Variants in PI4KA observed in about 807,000 individuals in gnomAD.
The protein encoded by PI4KA is PI4-kinase alpha.
Under a neutral mutation model 271.4 loss-of-function variants are expected in PI4KA, and 122 were observed. The observed-to-expected ratio is 0.45, with a 90% confidence interval of 0.39 to 0.52. PI4KA has a LOEUF of 0.52. Ranked by LOEUF, PI4KA falls within the 20% of genes least tolerant of loss-of-function variation. The pLI is 0.00. For synonymous variants in PI4KA, 1,041 were observed against 1,078.8 expected (o/e 0.96, Z 0.69); for missense variants, 1,969 against 2,769.1 (o/e 0.71, Z 6.48).
At chr22:20,723,196 A>T (rs1400406261) in intron 42 of PI4KA, among the ~76,000 whole-genome samples, 1 of 151,172 alleles carries the variant, frequency 6.6e-6, no homozygotes, top group Non-Finnish European at 1.5e-5. Context: ...CTTTTTTTGT[A>T]TTTTTAGTAG....
rs1337348609 is a variant in PI4KA, at chr22:20,733,803, C to G, written c.4093G>C (p.Val1365Leu). Residue 1365 changes from valine to leucine, a missense_variant, in exon 35 of 55, where the codon GTT becomes CTT. By Grantham distance (32) the Val-to-Leu change is conservative. Around this residue, in one of 13 missense-constraint regions of PI4KA, gnomAD observed 72 missense variants for 103.1 expected, o/e 0.70. Transcript: ENST00000255882. Reference protein sequence around the residue: ...LGLSLLHADVVPNATIRNVLR... With the variant: ...LGLSLLHADVLPNATIRNVLR... The stretch of plus-strand genomic sequence containing the variant: ...ACATTGCGGATGGTTGCATTTGGAA[C>G]CACATCGGCATGCAGGAGGGACAGC... 2 of 1,612,544 alleles carry G rather than the reference C, an allele frequency of 1.2e-6. No individual in the cohort carries two copies. The highest frequency in any genetic ancestry group is 4.5e-5 in the East Asian group (2 of 44,880).
chr22:20,822,940 G>A (rs1346563835), intron 4 of PI4KA, among the ~76,000 whole-genome samples: 5 of 152,128 alleles, frequency 3.3e-5, no homozygotes, highest in Non-Finnish European at 7.4e-5. Flanking sequence ...TTGAGACCGA[G>A]TCTCACTCTG....
intron 1 of PI4KA, among the ~76,000 whole-genome samples, chr22:20,853,787 A>ATC (rs1927274642): frequency 2.0e-5 from 3 of 152,174 alleles, no homozygotes; most frequent in Admixed American, 6.5e-5. Flanking sequence ...GTAGAATGGG[A>ATC]TCTTGGTCAG....
Position 20,709,895 on chromosome 22 carries a change from C to T in PI4KA, c.6173+13G>A, listed in dbSNP as rs774586248. 7 of 1,503,784 alleles carry T rather than the reference C, an allele frequency of 4.7e-6. No individual in the cohort carries two copies. In the Admixed American group the frequency reaches 1.0e-4, roughly 22 times the overall value. 93.2% of individuals were successfully genotyped at this position (1,503,784 alleles called of 1,614,324 possible). On this transcript the variant is annotated intron_variant, in intron 53 of 54. Transcript: ENST00000255882. ...GTCCCCCAGATGGCCTGCGTGTCCA[C>T]CAAGGAACCTACTTCAAGAGCTTGA...
Position 20,834,610 on chromosome 22 carries a change from G to A in PI4KA, c.319C>T (p.Leu107Phe). 6.2e-7 allele frequency: 1 copy of A among 1,611,492 alleles called. No homozygotes were observed. Among genetic ancestry groups the A allele is most frequent in the Non-Finnish European group, 8.5e-7 (1 of 1,177,660 alleles). The change falls in exon 3 of 55, where the codon CTT becomes TTT. Residue 107 changes from leucine (L) to phenylalanine (F), a missense_variant. By Grantham distance (22) the Leu-to-Phe change is conservative (BLOSUM62 0). Transcript: ENST00000255882. ...VPYLLRLLKG[L>F]PKVYWVEEST... Reference sequence around the variant, plus strand: ...TCTTCTACCCAATACACTTTTGGAAGACCTTTGAGAAGTCGAAGAAGGTAA... The same window carrying A: ...TCTTCTACCCAATACACTTTTGGAAAACCTTTGAGAAGTCGAAGAAGGTAA...
At chr22:20,797,381 G>A (rs1046297594) in intron 17 of PI4KA, among the ~76,000 whole-genome samples, 3 of 152,144 alleles carry the variant, frequency 2.0e-5, no homozygotes, top group Admixed American at 6.5e-5. Flanking sequence ...AAAGGAAACC[G>A]GGGAGGCAGC....
At chr22:20,761,196 T>TA in intron 23 of PI4KA, 108 bp downstream of exon 23, 1 of 713,048 alleles carries the variant, frequency 1.4e-6, no homozygotes, top group Non-Finnish European at 2.6e-6. Context: ...ATGCAATATT[T>TA]AACTTCATAA....
At chr22:20,805,648 C>T (rs376100212) in intron 10 of PI4KA, among the ~76,000 whole-genome samples, 3 of 151,716 alleles carry the variant, frequency 2.0e-5, no homozygotes, top group African/African-American at 4.8e-5. Context: ...CTGGCTAACA[C>T]GGTGAAACCC....
At chr22:20,845,391 A>T (rs750556617) in intron 1 of PI4KA, among the ~76,000 whole-genome samples, 1 of 152,148 alleles carries the variant, frequency 6.6e-6, no homozygotes, top group Non-Finnish European at 1.5e-5. Context: ...TAATTAAATG[A>T]TTTTTTTAAA....
rs113675474 is a variant in PI4KA at position 20,835,074 on chromosome 22, G to A, written c.274-419C>T. 2.9e-4 allele frequency among the ~76,000 whole-genome samples: 44 copies of A among 152,174 alleles called. 1 individual carries two copies. The highest frequency in any genetic ancestry group is 5.2e-4 in the Admixed American group (8 of 15,288). On this transcript the variant is annotated intron_variant, in intron 2 of 54. Transcript: ENST00000255882. ...GGGGATGGAGAGAAGCTCACAATGC[G>A]GGCATCTCAACTGGGTGATGCTTTT...
intron 9 of PI4KA, among the ~76,000 whole-genome samples, chr22:20,810,311 C>A (rs1935919658): frequency 6.6e-6 from 1 of 152,054 alleles, no homozygotes; most frequent in Admixed American, 6.6e-5. Flanking sequence ...TTGAGACCAT[C>A]CTGGCTAACA....
chr22:20,793,095 C>A lies in PI4KA; in HGVS notation c.2328+98G>T. 3 of 795,650 alleles carry A rather than the reference C, an allele frequency of 3.8e-6. No homozygotes were observed. The Admixed American group carries it at 5.3e-5, about 14-fold the overall frequency. 49.3% of individuals were successfully genotyped at this position (795,650 alleles called of 1,614,324 possible). Reference sequence around the variant, plus strand: ...ATCTAGAGGCATAGGGGCCTCAACACTGCACCTTTCTAAGGAATTTACTGT... The same window carrying A: ...ATCTAGAGGCATAGGGGCCTCAACAATGCACCTTTCTAAGGAATTTACTGT... On this transcript the variant is annotated intron_variant, in intron 19 of 54. Transcript: ENST00000255882.
chr22:20,780,775 C>CAAATAAAAAAAAAAA (rs1933724810), intron 19 of PI4KA, among the ~76,000 whole-genome samples: 1 of 67,698 alleles, frequency 1.5e-5, no homozygotes, highest in Non-Finnish European at 2.7e-5. Flanking sequence ...GACTCCATCT[C>CAAATAAAAAAAAAAA]AAAAAAAAAA....
At chr22:20,824,245 C>T (rs1261324904) in intron 4 of PI4KA, 81 bp downstream of exon 4, 11 of 894,626 alleles carry the variant, frequency 1.2e-5, no homozygotes, top group Admixed American at 1.9e-5. Flanking sequence ...TCACATTTCA[C>T]GTTTTTAAAA....
chr22:20,749,809 A>C (rs1985709837), intron 28 of PI4KA, 96 bp downstream of exon 28: 7 of 740,350 alleles, frequency 9.5e-6, no homozygotes, highest in Non-Finnish European at 2.5e-6. Context: ...CATTCACACT[A>C]GTGCTATTTG....
intron 1 of PI4KA, among the ~76,000 whole-genome samples, chr22:20,840,345 CAGG>C (rs1925396793): frequency 6.6e-6 from 1 of 152,192 alleles, no homozygotes; most frequent in Non-Finnish European, 1.5e-5. Flanking sequence ...CAAGGAGGCC[CAGG>C]AGTTCAGGTC....
intron 42 of PI4KA, among the ~76,000 whole-genome samples, chr22:20,723,790 C>T (rs1362180375): frequency 1.3e-5 from 2 of 151,890 alleles, no homozygotes; most frequent in Admixed American, 6.5e-5. Context: ...GTGATCGTGC[C>T]ACTGCACTCC....
rs529123428 is a variant in PI4KA at position 20,753,099 on chromosome 22, G to T, written c.2862+11C>A. On this transcript the variant is annotated intron_variant, in intron 24 of 54. Transcript: ENST00000255882. ...AGCAGACAGACACGCATTCATGCTG[G>T]AGAGGCTTACTTTATCCGCCATCAT... is the stretch of plus-strand genomic sequence containing the variant. 4 of 1,614,060 alleles carry T rather than the reference G, an allele frequency of 2.5e-6. No individual in the cohort carries two copies. Among genetic ancestry groups the T allele is most frequent in the Non-Finnish European group, 3.4e-6 (4 of 1,180,034 alleles).
chr22:20,803,233 C>G lies in PI4KA; in HGVS notation c.1549G>C (p.Val517Leu). The G allele has an allele frequency of 6.2e-7, 1 of 1,614,170 alleles. No individual in the cohort carries two copies. Among genetic ancestry groups the G allele is most frequent in the Non-Finnish European group, 8.5e-7 (1 of 1,180,010 alleles). ...TGGTACTTGTAGAGCTTCACCAGAA[C>G]TGGGGACGGGATGACCAGGAAGTCT... ...LRDFLVIPSP[V>L]LVKLYKYHSQ... The change falls in exon 13 of 55, where the codon GTT becomes CTT. Residue 517 changes from valine to leucine, a missense_variant. Around this residue, in one of 13 missense-constraint regions of PI4KA, gnomAD observed 228 missense variants for 261.6 expected, o/e 0.87. Transcript: ENST00000255882.
Sources: allele counts gnomAD v4.1 joint callset (sites outside exome capture counted in the v4.1 genomes callset), GRCh38; gene constraint gnomAD v4.1.1; regional missense constraint gnomAD v4.1.1; transcripts MANE v1.5; gene names NCBI Gene and HGNC (gene_info 2026-07-23, HGNC 2026-07-21).